VWA8: variants seen among roughly 807,000 people sequenced by gnomAD.
VWA8 encodes von Willebrand factor A domain-containing protein 8.
In VWA8, 221 loss-of-function variants were observed where a neutral mutation model predicts 241.5. That is an observed-to-expected ratio of 0.91 (90% CI 0.82 to 1.02). The LOEUF (loss-of-function observed/expected upper bound fraction) is 1.02. Ranked by LOEUF, VWA8 falls within the 50% of genes least tolerant of loss-of-function variation. VWA8 has a pLI of 0.00. For synonymous variants in VWA8, 852 were observed against 827.1 expected, an observed-to-expected ratio of 1.03 and a Z score of -0.52; for missense variants, 2,322 against 2,328.7, an observed-to-expected ratio of 1.00 and a Z score of 0.06.
At chr13:41,690,411 T>C (rs760686632) in intron 32 of VWA8, 136 bp from the exon 33 acceptor site, 1 of 676,032 alleles carries the variant, frequency 1.5e-6, no homozygotes, top group Non-Finnish European at 2.4e-6. Context: ...TAGAGTTTCA[T>C]CATGAATTAA....
At position 41,884,482 on chromosome 13, in the gene VWA8, A is replaced by C. The variant is rs924079490; in HGVS notation, c.976-991T>G. On this transcript the variant is annotated intron_variant, in intron 8 of 44. Coordinates refer to ENST00000379310, the MANE Select transcript of VWA8 (RefSeq NM_015058.2). ...AACCTCTTTTCTTTATAAATTACCC[A>C]GTCTCAGGTATTTCTTCATAGCAGC... Among the ~76,000 whole-genome samples, 3 of 152,220 alleles carry C rather than the reference A, an allele frequency of 2.0e-5. No homozygotes were observed. In the East Asian group the frequency reaches 5.8e-4, roughly 29 times the overall value.
At position 41,587,584 on chromosome 13, in the gene VWA8, GCCAT is replaced by G; in HGVS notation, c.5195_5198del (p.Asp1732AlafsTer43). Reference sequence around the variant, plus strand: ...CAGCCTCCATTGTGCGCTCAAGCCGGCCATCCATCCTGTTGAAACGGTACATGCT... The same window carrying G: ...CAGCCTCCATTGTGCGCTCAAGCCGGCCATCCTGTTGAAACGGTACATGCT... On this transcript the variant is annotated frameshift_variant, in exon 42 of 45. Transcript: ENST00000379310. LOFTEE classifies it high-confidence loss of function. 1 of 1,614,134 alleles carries G rather than the reference GCCAT, an allele frequency of 6.2e-7. No homozygotes were observed. Among genetic ancestry groups the G allele is most frequent in the Non-Finnish European group, 8.5e-7 (1 of 1,180,020 alleles).
chr13:41,610,911 G>A (rs1312544414), intron 39 of VWA8, among the ~76,000 whole-genome samples: 1 of 152,144 alleles, frequency 6.6e-6, no homozygotes, highest in Non-Finnish European at 1.5e-5. Flanking sequence ...AGGCTCACTG[G>A]CCTAGATTAA....
intron 40 of VWA8, 86 bp from the exon 41 acceptor site, chr13:41,590,851 C>T: frequency 2.0e-6 from 3 of 1,529,412 alleles, no homozygotes; most frequent in Non-Finnish European, 2.7e-6. Flanking sequence ...ACAGGAAACA[C>T]ACCTGGGATC....
chr13:41,785,325 CAAT>C (rs1431829526), intron 18 of VWA8, among the ~76,000 whole-genome samples: 1 of 152,038 alleles, frequency 6.6e-6, no homozygotes, highest in Non-Finnish European at 1.5e-5. Context: ...GAGCTTAAAA[CAAT>C]TTAGTCTAGT....
chr13:41,689,320 C>T (rs2137815330), intron 34 of VWA8, 34 bp downstream of exon 34: 2 of 1,592,484 alleles, frequency 1.3e-6, no homozygotes, highest in Non-Finnish European at 1.7e-6. Flanking sequence ...GGGAAAGAAA[C>T]ATTTATCCGA....
chr13:41,573,619 G>GGTGT (rs149927326), intron 43 of VWA8, among the ~76,000 whole-genome samples: 2 of 99,338 alleles, frequency 2.0e-5, no homozygotes, highest in African/African-American at 9.0e-5. Flanking sequence ...GCATATATAT[G>GGTGT]GTGTGTGTGT....
At chr13:41,728,572 C>T (rs915529819) in intron 23 of VWA8, among the ~76,000 whole-genome samples, 1 of 151,164 alleles carries the variant, frequency 6.6e-6, no homozygotes, top group Non-Finnish European at 1.5e-5. Flanking sequence ...TCACTGTCCT[C>T]ATAATGCCTC....
intron 2 of VWA8, among the ~76,000 whole-genome samples, chr13:41,948,959 AC>A (rs1340341656): frequency 6.6e-6 from 1 of 151,120 alleles, no homozygotes; most frequent in Non-Finnish European, 1.5e-5. Flanking sequence ...AAAAATACAT[AC>A]ACACATACAA....
chr13:41,897,620 G>GCAGA (rs1374018322), intron 4 of VWA8, among the ~76,000 whole-genome samples: 1 of 152,062 alleles, frequency 6.6e-6, no homozygotes, highest in African/African-American at 2.4e-5. Context: ...GAATGAAGCC[G>GCAGA]CAGACCCTCG....
chr13:41,575,846 C>G lies in VWA8; in HGVS notation c.5272-8G>C. On this transcript the variant is annotated splice_region_variant and splice_polypyrimidine_tract_variant and intron_variant, in intron 42 of 44. Transcript: ENST00000379310. ...GTGTCCAACGATGTCATACTACATGCAAGAGAACCAGAAAGTTATAAACTT... is the reference window on the plus strand; with the variant it reads ...GTGTCCAACGATGTCATACTACATGGAAGAGAACCAGAAAGTTATAAACTT... 6.3e-7 allele frequency: 1 copy of G among 1,595,214 alleles called. No homozygotes were observed. The highest frequency in any genetic ancestry group is 8.6e-7 in the Non-Finnish European group (1 of 1,169,440).
chr13:41,654,346 A>G (rs2044887397), intron 37 of VWA8, among the ~76,000 whole-genome samples: 2 of 152,220 alleles, frequency 1.3e-5, no homozygotes, highest in African/African-American at 4.8e-5. Flanking sequence ...CAAAGTTAAC[A>G]TCACCAGCAA....
chr13:41,679,078 C>A (rs1029797860), intron 35 of VWA8, among the ~76,000 whole-genome samples: 1 of 152,140 alleles, frequency 6.6e-6, no homozygotes, highest in African/African-American at 2.4e-5. Context: ...CCATTTTAAA[C>A]GTTTTAACAC....
At chr13:41,891,318 G>T in intron 5 of VWA8, 102 bp downstream of exon 5, 1 of 1,387,506 alleles carries the variant, frequency 7.2e-7, no homozygotes, top group Non-Finnish European at 9.9e-7. Context: ...AGGGCCATCT[G>T]AACATCTGTC....
rs183025988 is a variant in VWA8 at position 41,767,165 on chromosome 13, C to T, written c.2350-5961G>A. Among the ~76,000 whole-genome samples the T allele has an allele frequency of 1.9e-4, 29 of 152,106 alleles. No homozygotes were observed. The East Asian group carries it at 3.7e-3, about 19-fold the overall frequency. On this transcript the variant is annotated intron_variant, in intron 20 of 44. Transcript: ENST00000379310. The stretch of plus-strand genomic sequence containing the variant: ...TAATAGAGATGTTCTTTCCATAGGC[C>T]GCTAATTTCTTTGTTAGAAAACTCC...
At chr13:41,884,162 T>G (rs1223475385) in intron 8 of VWA8, among the ~76,000 whole-genome samples, 1 of 152,196 alleles carries the variant, frequency 6.6e-6, no homozygotes, top group Non-Finnish European at 1.5e-5. Context: ...CATACTGATA[T>G]GGTTTGGCTG....
At chr13:41,621,844 A>G (rs2044659224) in intron 37 of VWA8, among the ~76,000 whole-genome samples, 1 of 152,218 alleles carries the variant, frequency 6.6e-6, no homozygotes, top group African/African-American at 2.4e-5. Context: ...ATTTCTGGGC[A>G]GAAAGGAATT....
chr13:41,791,578 G>GT (rs905374834), intron 17 of VWA8, among the ~76,000 whole-genome samples: 1 of 151,660 alleles, frequency 6.6e-6, no homozygotes, highest in Admixed American at 6.6e-5. Flanking sequence ...ATTTTGCTAC[G>GT]TAAGTGTGTA....
intron 37 of VWA8, among the ~76,000 whole-genome samples, chr13:41,638,003 T>C (rs2044770416): frequency 6.6e-6 from 1 of 152,310 alleles, no homozygotes; most frequent in East Asian, 1.9e-4. Flanking sequence ...CTCAAAATCT[T>C]GGTGTTCTAT....
Sources: allele counts gnomAD v4.1 joint callset (sites outside exome capture counted in the v4.1 genomes callset), GRCh38; gene constraint gnomAD v4.1.1; transcripts MANE v1.5; gene names NCBI Gene and HGNC (gene_info 2026-07-23, HGNC 2026-07-21).